Variants in SOX5 observed in about 807,000 individuals in gnomAD.
SOX5 encodes the protein SRY-box transcription factor 5.
In SOX5, 9 loss-of-function variants were observed where a neutral mutation model predicts 92.0. The observed-to-expected ratio is 0.10, with a 90% CI of 0.06 to 0.17. SOX5 has a LOEUF of 0.17. Among genes scored for constraint, SOX5 ranks in the 10% least tolerant of loss-of-function variants. SOX5 has a pLI of 1.00. For missense variants in SOX5, 642 were observed against 944.5 expected, an observed-to-expected ratio of 0.68 and a Z score of 4.20; for synonymous variants, 344 against 336.3, an observed-to-expected ratio of 1.02 and a Z score of -0.25.
intron 1 of SOX5, among the ~76,000 whole-genome samples, chr12:24,400,733 C>A (rs531465212): frequency 3.9e-4 from 60 of 152,260 alleles, no homozygotes; most frequent in Non-Finnish European, 4.7e-4. Context: ...AATAACCACC[C>A]CCTCCATGCT....
chr12:23,697,261 C>T (rs1037377174), intron 6 of SOX5, among the ~76,000 whole-genome samples: 4 of 152,234 alleles, frequency 2.6e-5, no homozygotes, highest in Middle Eastern at 3.4e-3. Flanking sequence ...GTTACATATG[C>T]ATTCAGCATT....
At chr12:23,833,047 A>G (rs1327811055) in intron 3 of SOX5, among the ~76,000 whole-genome samples, 1 of 151,990 alleles carries the variant, frequency 6.6e-6, no homozygotes, top group Non-Finnish European at 1.5e-5. Context: ...TTGTGGATTC[A>G]TTTGAAAGCC....
At chr12:24,422,437 G>A (rs1187618782) in intron 1 of SOX5, among the ~76,000 whole-genome samples, 1 of 152,126 alleles carries the variant, frequency 6.6e-6, no homozygotes, top group Non-Finnish European at 1.5e-5. Flanking sequence ...CTCTTCCCCA[G>A]CCTGGGAGAT....
At chr12:24,541,006 C>T (rs541591254) in intron 1 of SOX5, among the ~76,000 whole-genome samples, 3 of 152,188 alleles carry the variant, frequency 2.0e-5, no homozygotes, top group African/African-American at 7.2e-5. Flanking sequence ...ATATGGCATG[C>T]AATTTTTTAA....
At chr12:24,474,301 TC>T (rs1945118729) in intron 1 of SOX5, among the ~76,000 whole-genome samples, 1 of 152,182 alleles carries the variant, frequency 6.6e-6, no homozygotes, top group Admixed American at 6.5e-5. Context: ...GAATGACTTA[TC>T]TAATAAAACT....
intron 4 of SOX5, among the ~76,000 whole-genome samples, chr12:24,174,427 C>T (rs1158596633): frequency 6.6e-6 from 1 of 152,136 alleles, no homozygotes. Context: ...GTTATCATTA[C>T]TTGGGGAGAT....
chr12:23,665,273 T>C (rs566200752), intron 7 of SOX5, among the ~76,000 whole-genome samples, 171 bp downstream of exon 7: 6 of 33,384 alleles, frequency 1.8e-4, no homozygotes. Flanking sequence ...ACAGATTTAA[T>C]CTAAGTCCTT....
intron 4 of SOX5, among the ~76,000 whole-genome samples, chr12:24,000,203 A>C (rs1163385933): frequency 6.6e-6 from 1 of 151,558 alleles, no homozygotes; most frequent in Non-Finnish European, 1.5e-5. Context: ...AGAAAATTAG[A>C]ACAGATAAGA....
chr12:23,814,619 AT>A (rs1214680093), intron 3 of SOX5, among the ~76,000 whole-genome samples: 1 of 152,296 alleles, frequency 6.6e-6, no homozygotes, highest in East Asian at 1.9e-4. Context: ...TACTGGAAGC[AT>A]TTTTTGTTTC....
At chr12:24,119,224 T>A (rs1424167325) in intron 4 of SOX5, among the ~76,000 whole-genome samples, 1 of 152,140 alleles carries the variant, frequency 6.6e-6, no homozygotes, top group Non-Finnish European at 1.5e-5. Flanking sequence ...GGATGATTAA[T>A]GTTTTGTATA....
intron 3 of SOX5, among the ~76,000 whole-genome samples, chr12:24,274,876 A>T (rs1416798579): frequency 6.6e-6 from 1 of 152,192 alleles, no homozygotes; most frequent in East Asian, 1.9e-4. Context: ...CCTTTGAAAT[A>T]GGCATGCATA....
At chr12:23,863,036 G>C (rs1377172361) in intron 2 of SOX5, among the ~76,000 whole-genome samples, 1 of 152,224 alleles carries the variant, frequency 6.6e-6, no homozygotes, top group Non-Finnish European at 1.5e-5. Context: ...CTTGAGTGTG[G>C]TAGAATAGAG....
At chr12:24,118,170 CTT>C (rs1948258073) in intron 4 of SOX5, among the ~76,000 whole-genome samples, 1 of 151,878 alleles carries the variant, frequency 6.6e-6, no homozygotes. Context: ...GGGGGAATAA[CTT>C]TTAGTGATCT....
intron 4 of SOX5, among the ~76,000 whole-genome samples, chr12:24,194,458 G>C (rs12298320): frequency 3.9e-5 from 6 of 152,046 alleles, no homozygotes; most frequent in African/African-American, 9.7e-5. Context: ...GGTAGGTAGA[G>C]AGATATGTGT....
intron 4 of SOX5, among the ~76,000 whole-genome samples, chr12:23,973,407 C>A (rs1232896288): frequency 6.6e-6 from 1 of 152,110 alleles, no homozygotes; most frequent in South Asian, 2.1e-4. Flanking sequence ...GATCCACCCA[C>A]CTCGGCCTCC....
chr12:24,120,799 G>A (rs1948532665), intron 4 of SOX5, among the ~76,000 whole-genome samples: 1 of 152,198 alleles, frequency 6.6e-6, no homozygotes, highest in Admixed American at 6.5e-5. Context: ...GTTTTGTTTA[G>A]TCTTGATTGA....
At chr12:23,983,539 G>C (rs1005576572) in intron 4 of SOX5, among the ~76,000 whole-genome samples, 18 of 152,174 alleles carry the variant, frequency 1.2e-4, no homozygotes, top group African/African-American at 4.3e-4. Context: ...GGTTGGGCTA[G>C]ATGAGCTGGA....
At chr12:24,350,209 T>C (rs1043033829) in intron 2 of SOX5, among the ~76,000 whole-genome samples, 4 of 152,240 alleles carry the variant, frequency 2.6e-5, no homozygotes, top group South Asian at 4.1e-4. Context: ...GTTTGTTCCT[T>C]CTGTAGAAAC....
intron 3 of SOX5, among the ~76,000 whole-genome samples, chr12:24,244,580 G>A (rs1338435970): frequency 6.6e-6 from 1 of 152,218 alleles, no homozygotes; most frequent in African/African-American, 2.4e-5. Flanking sequence ...TGCCAACTGT[G>A]GTGAGGCACT....
Sources: allele counts gnomAD v4.1 joint callset (sites outside exome capture counted in the v4.1 genomes callset), GRCh38; gene constraint gnomAD v4.1.1; transcripts MANE v1.5; gene names NCBI Gene and HGNC (gene_info 2026-07-23, HGNC 2026-07-21).